ZDHHC14: variants seen among roughly 807,000 people sequenced by gnomAD.
ZDHHC14 encodes palmitoyltransferase ZDHHC14.
In ZDHHC14, 16 loss-of-function variants were observed where a neutral mutation model predicts 47.7. The ratio of observed to expected loss-of-function variants is 0.34; its 90% CI spans 0.23 to 0.51. The LOEUF is 0.51. Among genes scored for constraint, ZDHHC14 ranks in the 20% least tolerant of loss-of-function variants. The probability of loss-of-function intolerance (pLI) is 0.97; values close to 1 mark genes in which losing one functional copy is unlikely to be tolerated. For synonymous variants in ZDHHC14, 293 were observed against 278.9 expected (o/e 1.05, Z -0.50); for missense variants, 515 against 662.5 (o/e 0.78, Z 2.44).
chr6:157,592,926 G>A, intron 2 of ZDHHC14, 62 bp from the exon 3 acceptor site: 1 of 1,532,318 alleles, frequency 6.5e-7, no homozygotes, highest in Non-Finnish European at 8.7e-7. Flanking sequence ...CAGGCGGACG[G>A]GTCCCGCCGA....
intron 5 of ZDHHC14, among the ~76,000 whole-genome samples, chr6:157,644,295 T>C (rs1259740349): frequency 1.3e-5 from 2 of 152,204 alleles, no homozygotes; most frequent in East Asian, 3.8e-4. Context: ...GGGAAGGCAG[T>C]TGAGAATGAG....
chr6:157,548,788 C>A (rs1444824327), intron 2 of ZDHHC14, among the ~76,000 whole-genome samples: 1 of 152,198 alleles, frequency 6.6e-6, no homozygotes, highest in African/African-American at 2.4e-5. Flanking sequence ...GCCTCAGTAG[C>A]CTTTGGGCTT....
At chr6:157,539,647 A>G (rs1406432129) in intron 1 of ZDHHC14, among the ~76,000 whole-genome samples, 1 of 152,198 alleles carries the variant, frequency 6.6e-6, no homozygotes, top group Non-Finnish European at 1.5e-5. Context: ...ATGCGAGTCT[A>G]GGTAGAGCCG....
At chr6:157,469,760 A>G (rs546065991) in intron 1 of ZDHHC14, among the ~76,000 whole-genome samples, 1 of 152,352 alleles carries the variant, frequency 6.6e-6, no homozygotes, top group African/African-American at 2.4e-5. Flanking sequence ...ACAGCTCAGT[A>G]TGGCACTACC....
At chr6:157,489,963 A>G (rs1219949652) in intron 1 of ZDHHC14, among the ~76,000 whole-genome samples, 1 of 152,192 alleles carries the variant, frequency 6.6e-6, no homozygotes, top group Non-Finnish European at 1.5e-5. Context: ...CTGCTACCGT[A>G]ACTGGAGAGA....
At chr6:157,653,401 C>G in intron 7 of ZDHHC14, 124 bp from the exon 8 acceptor site, 1 of 875,920 alleles carries the variant, frequency 1.1e-6, no homozygotes, top group Non-Finnish European at 1.8e-6. Context: ...GAGGCATAGT[C>G]TAAGTTGCCT....
chr6:157,429,011 A>G (rs573779536), intron 1 of ZDHHC14, among the ~76,000 whole-genome samples: 1 of 152,186 alleles, frequency 6.6e-6, no homozygotes, highest in African/African-American at 2.4e-5. Context: ...GTTTGCGATG[A>G]GTGATTTTAT....
intron 1 of ZDHHC14, among the ~76,000 whole-genome samples, chr6:157,510,648 C>T (rs1031590457): frequency 2.6e-5 from 4 of 152,278 alleles, no homozygotes; most frequent in East Asian, 1.9e-4. Flanking sequence ...TCTTTCTCCA[C>T]CTGCCTCCTT....
chr6:157,633,571 G>A (rs563048292), intron 5 of ZDHHC14, among the ~76,000 whole-genome samples: 64 of 152,244 alleles, frequency 4.2e-4, no homozygotes, highest in South Asian at 1.0e-3. Flanking sequence ...GATCTGGCTC[G>A]TCAGTGACCC....
chr6:157,616,405 G>A (rs1784964313), intron 3 of ZDHHC14, among the ~76,000 whole-genome samples: 1 of 152,192 alleles, frequency 6.6e-6, no homozygotes, highest in Non-Finnish European at 1.5e-5. Context: ...ACCAGAGCTT[G>A]GGACCTGCGG....
chr6:157,399,008 C>T (rs981197669), intron 1 of ZDHHC14, among the ~76,000 whole-genome samples: 8 of 152,160 alleles, frequency 5.3e-5, no homozygotes, highest in African/African-American at 4.8e-5. Flanking sequence ...ATAATTAAGA[C>T]GTTTATGAAG....
At chr6:157,661,222 C>T (rs1778330894) in intron 8 of ZDHHC14, among the ~76,000 whole-genome samples, 1 of 152,156 alleles carries the variant, frequency 6.6e-6, no homozygotes, top group African/African-American at 2.4e-5. Flanking sequence ...CTGGATGGAA[C>T]ACTCAGGGAA....
chr6:157,580,109 T>A (rs1783459547), intron 2 of ZDHHC14, among the ~76,000 whole-genome samples: 2 of 152,208 alleles, frequency 1.3e-5, no homozygotes, highest in Non-Finnish European at 2.9e-5. Context: ...GATGTTGAAT[T>A]TTATTCACAT....
intron 1 of ZDHHC14, among the ~76,000 whole-genome samples, chr6:157,541,982 ATCT>A (rs1369148652): frequency 1.3e-5 from 2 of 152,114 alleles, no homozygotes; most frequent in African/African-American, 4.8e-5. Flanking sequence ...AATCCCTTAA[ATCT>A]TCTTCCGAAA....
rs570396152 is a variant in ZDHHC14, at chr6:157,465,459, C to T, written c.246-77126C>T. On this transcript the variant is annotated intron_variant, in intron 1 of 8. Coordinates refer to ENST00000359775, the MANE Select transcript of ZDHHC14 (RefSeq NM_024630.3). ...CCCAAGCCCATTAAAACAATGGCCACCCCCATAACAATGCATTCTCCCCAG... is the reference window on the plus strand; with the variant it reads ...CCCAAGCCCATTAAAACAATGGCCATCCCCATAACAATGCATTCTCCCCAG... Among the ~76,000 whole-genome samples the T allele has an allele frequency of 3.2e-4, 49 of 152,150 alleles. 1 individual carries two copies. The highest frequency in any genetic ancestry group is 2.1e-4 in the South Asian group (1 of 4,808).
rs1209169623 is a variant in ZDHHC14, at chr6:157,463,265, A to G, written c.246-79320A>G. Among the ~76,000 whole-genome samples, 2 of 152,092 alleles carry G rather than the reference A, an allele frequency of 1.3e-5. No homozygotes were observed. The highest frequency in any genetic ancestry group is 2.9e-5 in the Non-Finnish European group (2 of 68,042). The stretch of plus-strand genomic sequence containing the variant: ...TTCGGTGTTTGGAACATGGCATAGA[A>G]CAATTGAAATTGGTTTTTCAATAGA... On this transcript the variant is annotated intron_variant, in intron 1 of 8. Coordinates refer to ENST00000359775, the MANE Select transcript of ZDHHC14 (RefSeq NM_024630.3). The surrounding 1 kb of genome is among the most constrained non-coding windows in gnomAD (Gnocchi z 4.4).
At chr6:157,561,370 G>A (rs138175482) in intron 2 of ZDHHC14, among the ~76,000 whole-genome samples, 2,103 of 148,326 alleles carry the variant, frequency 0.014, 45 homozygotes, top group African/African-American at 0.052. Flanking sequence ...ATAGAATCCC[G>A]TGGAGGTTGG....
At chr6:157,590,150 G>A (rs919851360) in intron 2 of ZDHHC14, among the ~76,000 whole-genome samples, 1 of 152,162 alleles carries the variant, frequency 6.6e-6, no homozygotes, top group Non-Finnish European at 1.5e-5. Flanking sequence ...GAGCATAAAC[G>A]TTTGGAAAAT....
chr6:157,509,967 G>A (rs1205937867), intron 1 of ZDHHC14, among the ~76,000 whole-genome samples: 3 of 152,194 alleles, frequency 2.0e-5, no homozygotes, highest in South Asian at 2.1e-4. Flanking sequence ...CTTCATGGCC[G>A]GGTGCGGTGG....
Sources: gnomAD v4.1 joint callset for allele counts (sites outside exome capture counted in the v4.1 genomes callset) on GRCh38, gnomAD v4.1.1 for gene constraint, Gnocchi (gnomAD v3.1) non-coding constraint, MANE v1.5 for transcripts, NCBI Gene and HGNC (gene_info 2026-07-23, HGNC 2026-07-21) for gene names.